Variants in RNGTT observed in about 807,000 individuals in gnomAD.
RNGTT encodes RNA guanylyltransferase and 5'-phosphatase.
RNGTT carries 33 observed loss-of-function variants against 79.3 expected under a neutral mutation model. The ratio of observed to expected loss-of-function variants is 0.42; its 90% CI spans 0.32 to 0.56. The LOEUF (loss-of-function observed/expected upper bound fraction) is 0.56, where lower values mean the gene tolerates loss of function less well. Among genes scored for constraint, RNGTT ranks in the 20% least tolerant of loss-of-function variants. The pLI is 0.17. For missense variants in RNGTT, 497 were observed against 739.1 expected, an observed-to-expected ratio of 0.67 and a Z score of 3.80; for synonymous variants, 222 against 235.9, an observed-to-expected ratio of 0.94 and a Z score of 0.54.
chr6:88,632,265 A>G (rs1772919664), intron 14 of RNGTT, among the ~76,000 whole-genome samples: 1 of 151,998 alleles, frequency 6.6e-6, no homozygotes, highest in Non-Finnish European at 1.5e-5. Context: ...CTCAGCCCCA[A>G]CTCTCTTTTT....
At chr6:88,755,824 G>A (rs1777992066) in intron 13 of RNGTT, among the ~76,000 whole-genome samples, 1 of 151,834 alleles carries the variant, frequency 6.6e-6, no homozygotes, top group South Asian at 2.1e-4. Context: ...AGCCAGGCAT[G>A]GTGGCGGGCG....
intron 4 of RNGTT, among the ~76,000 whole-genome samples, chr6:88,911,676 AAG>A (rs1486424098): frequency 6.6e-6 from 1 of 152,208 alleles, no homozygotes; most frequent in Non-Finnish European, 1.5e-5. Context: ...GAAATTAAGA[AAG>A]AAAACAAAAA....
At position 88,808,955 on chromosome 6, in the gene RNGTT, TA is replaced by T. The variant is rs879329656; in HGVS notation, c.1270-7324del. 1.7e-3 allele frequency among the ~76,000 whole-genome samples: 235 copies of T among 139,980 alleles called. 1 individual carries two copies. The highest frequency in any genetic ancestry group is 2.3e-3 in the Admixed American group (33 of 14,048). 91.8% of individuals were successfully genotyped at this position (139,980 alleles called of 152,430 possible). A position where few individuals can be genotyped will look rare whatever the true frequency, so the allele number is the denominator to read the frequency against. ...CTGAGTGACAGAGTGAGATCCCTCT[TA>T]AAAAAAAAAAAGGAACCAACTATAT... On this transcript the variant is annotated intron_variant, in intron 11 of 15. Coordinates refer to ENST00000369485, the MANE Select transcript of RNGTT (RefSeq NM_003800.5).
At chr6:88,736,547 G>GCT (rs1777292578) in intron 13 of RNGTT, among the ~76,000 whole-genome samples, 4 of 152,162 alleles carry the variant, frequency 2.6e-5, no homozygotes, top group Non-Finnish European at 4.4e-5. Flanking sequence ...TAAAAGAGAA[G>GCT]CTTGGTTACT....
Position 88,614,520 on chromosome 6 carries a change from T to C in RNGTT, c.1507-125A>G, listed in dbSNP as rs566146936. On this transcript the variant is annotated intron_variant, in intron 14 of 15. Coordinates refer to ENST00000369485, the MANE Select transcript of RNGTT (RefSeq NM_003800.5). ...GTAACTCTTCATGCAGAGAGCTCTT[T>C]GTCATCTGAAGTATCTAATCAAGCT... 165 of 869,562 alleles carry C rather than the reference T, an allele frequency of 1.9e-4. No homozygotes were observed. The African/African-American group carries it at 2.4e-3, about 13-fold the overall frequency. The allele number at this position is 869,562 out of a possible 1,614,324, so 53.9% of individuals were successfully genotyped here.
chr6:88,811,925 C>T (rs568080293), intron 11 of RNGTT, among the ~76,000 whole-genome samples: 1 of 152,162 alleles, frequency 6.6e-6, no homozygotes, highest in South Asian at 2.1e-4. Flanking sequence ...TAAAACCCCC[C>T]CAAAAATGGA....
intron 12 of RNGTT, among the ~76,000 whole-genome samples, chr6:88,783,652 C>A (rs1779135185): frequency 6.6e-6 from 1 of 152,076 alleles, no homozygotes; most frequent in Non-Finnish European, 1.5e-5. Flanking sequence ...ATCTATAAAT[C>A]TAAGACAATA....
At chr6:88,753,037 A>G (rs1777890531) in intron 13 of RNGTT, among the ~76,000 whole-genome samples, 1 of 152,152 alleles carries the variant, frequency 6.6e-6, no homozygotes, top group Non-Finnish European at 1.5e-5. Flanking sequence ...TAGAATTAAT[A>G]TTTCAAATTA....
intron 13 of RNGTT, among the ~76,000 whole-genome samples, chr6:88,757,765 G>C (rs1778068806): frequency 6.6e-6 from 1 of 152,112 alleles, no homozygotes; most frequent in Non-Finnish European, 1.5e-5. Flanking sequence ...AAAAGACAAA[G>C]ACATATTTTG....
At chr6:88,876,624 A>G (rs1311409110) in intron 8 of RNGTT, among the ~76,000 whole-genome samples, 1 of 152,258 alleles carries the variant, frequency 6.6e-6, no homozygotes, top group Non-Finnish European at 1.5e-5. Flanking sequence ...ATATTTGTTA[A>G]CTACATGAAT....
intron 1 of RNGTT, among the ~76,000 whole-genome samples, chr6:88,961,578 A>G (rs1016746410): frequency 6.6e-6 from 1 of 152,196 alleles, no homozygotes; most frequent in African/African-American, 2.4e-5. Context: ...CTGGGATTAC[A>G]GGCACATACC....
At chr6:88,686,415 T>C (rs1321968009) in intron 13 of RNGTT, among the ~76,000 whole-genome samples, 1 of 151,982 alleles carries the variant, frequency 6.6e-6, no homozygotes, top group Non-Finnish European at 1.5e-5. Context: ...TATGAGAAAC[T>C]TTATAAGCTC....
At chr6:88,814,862 T>G (rs1411812360) in intron 11 of RNGTT, among the ~76,000 whole-genome samples, 1 of 152,150 alleles carries the variant, frequency 6.6e-6, no homozygotes, top group Non-Finnish European at 1.5e-5. Flanking sequence ...AAAATAAAAT[T>G]TAAGATTTTC....
Position 88,886,303 on chromosome 6 carries a change from C to CA in RNGTT, c.896+4191dup, listed in dbSNP as rs35570814. ...CCTGGGCAACAGCGAGACTCCGTCTCAAAAAAAAAAAGAATTATTGCAGAA... is the reference window on the plus strand; with the variant it reads ...CCTGGGCAACAGCGAGACTCCGTCTCAAAAAAAAAAAAGAATTATTGCAGAA... On this transcript the variant is annotated intron_variant, in intron 8 of 15. Transcript: ENST00000369485. Among the ~76,000 whole-genome samples, 37 of 141,844 alleles carry CA rather than the reference C, an allele frequency of 2.6e-4. 1 individual carries two copies. The highest frequency in any genetic ancestry group is 8.4e-4 in the East Asian group (4 of 4,788). The allele number at this position is 141,844 out of a possible 152,430, so 93.1% of individuals were successfully genotyped here.
rs573836216 is a variant in RNGTT at position 88,669,087 on chromosome 6, C to T, written c.1506+9266G>A. Among the ~76,000 whole-genome samples the T allele has an allele frequency of 2.0e-4, 31 of 152,298 alleles. No individual in the cohort carries two copies. In the East Asian group the frequency reaches 4.6e-3, roughly 23 times the overall value. On this transcript the variant is annotated intron_variant, in intron 14 of 15. Coordinates refer to ENST00000369485, the MANE Select transcript of RNGTT (RefSeq NM_003800.5). ...TAATTACTAACCCCCAGGATCCCCA[C>T]TGGAAGACAGGAGAAAATGTAAACC... is the stretch of plus-strand genomic sequence containing the variant.
chr6:88,729,257 T>C (rs776046453), intron 13 of RNGTT, among the ~76,000 whole-genome samples: 1 of 152,150 alleles, frequency 6.6e-6, no homozygotes, highest in Non-Finnish European at 1.5e-5. Context: ...CAGTCCTTAT[T>C]CATCCCTGAG....
rs144045567 is a variant in RNGTT, at chr6:88,960,009, C to A, written c.64+3337G>T. On this transcript the variant is annotated intron_variant, in intron 1 of 15. Transcript: ENST00000369485. ...TTTACTGAAGATAATTCATGTATGA[C>A]CTTCTCTGGGAAGTCTCACCTGATC... Among the ~76,000 whole-genome samples the A allele has an allele frequency of 6.6e-5, 10 of 152,274 alleles. No homozygotes were observed. In the East Asian group the frequency reaches 1.9e-3, roughly 29 times the overall value.
At chr6:88,746,119 C>T (rs1281465163) in intron 13 of RNGTT, among the ~76,000 whole-genome samples, 1 of 152,226 alleles carries the variant, frequency 6.6e-6, no homozygotes, top group Admixed American at 6.5e-5. Context: ...ACCTGCAAGG[C>T]TCTAGCAGAC....
intron 13 of RNGTT, among the ~76,000 whole-genome samples, chr6:88,727,932 G>A (rs1216732707): frequency 1.3e-5 from 2 of 152,124 alleles, no homozygotes; most frequent in African/African-American, 4.8e-5. Flanking sequence ...TGAGGATCAC[G>A]TTCTCATCAA....
Sources: allele counts gnomAD v4.1 joint callset (sites outside exome capture counted in the v4.1 genomes callset), GRCh38; gene constraint gnomAD v4.1.1; transcripts MANE v1.5; gene names NCBI Gene and HGNC (gene_info 2026-07-23, HGNC 2026-07-21).